The following SLC30A1 variants were observed in gnomAD, a reference collection of about 807,000 sequenced individuals.
SLC30A1 encodes solute carrier family 30 member 1.
Under a neutral mutation model 29.8 loss-of-function variants are expected in SLC30A1, and 7 were observed. The observed-to-expected ratio is 0.23, with a 90% CI of 0.13 to 0.44. The LOEUF is 0.44. SLC30A1 is among the 20% of genes least tolerant of loss of function. The pLI, the probability that SLC30A1 is intolerant of heterozygous loss-of-function variation, is 1.00. For missense variants in SLC30A1, 446 were observed against 647.9 expected, an observed-to-expected ratio of 0.69 and a Z score of 3.38; for synonymous variants, 254 against 253.5, an observed-to-expected ratio of 1.00 and a Z score of -0.02.
At position 211,571,773 on chromosome 1, in the gene SLC30A1, G is replaced by T. The variant is rs986898105; in HGVS notation, c.*3615C>A. 1.2e-4 allele frequency: 18 copies of T among 152,246 alleles called. No individual in the cohort carries two copies. The East Asian group carries it at 3.1e-3, about 26-fold the overall frequency. 9.4% of individuals were successfully genotyped at this position (152,246 alleles called of 1,614,324 possible). ...TTGCAGCACTAAAGATATTTTATCT[G>T]CATCTGTATTTAATGAGATGATAAC... is the stretch of plus-strand genomic sequence containing the variant. On this transcript the variant is annotated 3_prime_UTR_variant, in exon 2 of 2. Coordinates refer to ENST00000367001, the MANE Select transcript of SLC30A1 (RefSeq NM_021194.3).
Position 211,578,219 on chromosome 1 carries a change from A to T in SLC30A1, c.394T>A (p.Cys132Ser). 6.2e-7 allele frequency: 1 copy of T among 1,611,518 alleles called. No individual in the cohort carries two copies. The highest frequency in any genetic ancestry group is 1.7e-5 in the Admixed American group (1 of 59,760). The part of the protein sequence containing the change: ...AGLLVNVLGL[C>S]LFHHHSGFSQ... ...AAGCCGCTGTGATGGTGGAAGAGGC[A>T]GAGCCCCAGCACGTTGACCAGCAGC... is the stretch of plus-strand genomic sequence containing the variant. The change falls in exon 1 of 2, where the codon TGC becomes AGC. Residue 132 changes from cysteine (C) to serine (S), a missense_variant. Physicochemically the swap from Cys to Ser is moderately radical, Grantham distance 112 (BLOSUM62 -1). This residue lies in a region of SLC30A1 where 159 missense variants were observed against 161.1 expected (regional missense o/e 0.99). Transcript: ENST00000367001.
At position 211,577,483 on chromosome 1, in the gene SLC30A1, T is replaced by A. The variant is rs1313112504; in HGVS notation, c.622+508A>T. 6.6e-6 allele frequency among the ~76,000 whole-genome samples: 1 copy of A among 152,216 alleles called. No homozygotes were observed. Among genetic ancestry groups the A allele is most frequent in the African/African-American group, 2.4e-5 (1 of 41,456 alleles). On this transcript the variant is annotated intron_variant, in intron 1 of 1. Coordinates refer to ENST00000367001, the MANE Select transcript of SLC30A1 (RefSeq NM_021194.3). This position sits in a 1 kb window ranked among gnomAD's most constrained non-coding sequence, Gnocchi z 4.5. ...TTAACCAGGGTTTACACGCTCTGAA[T>A]GCATATTATGAAACGGAGTTCAATG...
At position 211,578,645 on chromosome 1, in the gene SLC30A1, C is replaced by G. The variant is rs201014656; in HGVS notation, c.-33G>C. The G allele has an allele frequency of 6.5e-4, 966 of 1,496,122 alleles. 4 individuals carry two copies. Among genetic ancestry groups the G allele is most frequent in the African/African-American group, 5.3e-3 (378 of 71,494 alleles). 92.7% of individuals were successfully genotyped at this position (1,496,122 alleles called of 1,614,324 possible). Reference sequence around the variant, plus strand: ...GCTGCGGGGCCCGCCGAGCCCGGCCCGGAGACTGGTGCAGCGGCGGCGTTG... The same window carrying G: ...GCTGCGGGGCCCGCCGAGCCCGGCCGGGAGACTGGTGCAGCGGCGGCGTTG... On this transcript the variant is annotated 5_prime_UTR_variant, in exon 1 of 2. Coordinates refer to ENST00000367001, the MANE Select transcript of SLC30A1 (RefSeq NM_021194.3).
At position 211,578,868 on chromosome 1, in the gene SLC30A1, C is replaced by G. The variant is rs1706754921; in HGVS notation, c.-256G>C. ...CAGGCGTCCGTCCTCAGAGCCGGCG[C>G]CGAGGCCCGGCTCAGCCTCAGCAGC... On this transcript the variant is annotated 5_prime_UTR_variant, in exon 1 of 2. Coordinates refer to ENST00000367001, the MANE Select transcript of SLC30A1 (RefSeq NM_021194.3). 1 of 294,054 alleles carries G rather than the reference C, an allele frequency of 3.4e-6. No individual in the cohort carries two copies. The highest frequency in any genetic ancestry group is 1.6e-4 in the South Asian group (1 of 6,428). The allele number at this position is 294,054 out of a possible 1,614,324, so 18.2% of individuals were successfully genotyped here.
In SLC30A1 at chr1:211,576,067, C is replaced by T; in HGVS notation, c.845G>A (p.Cys282Tyr). 1 of 1,612,648 alleles carries T rather than the reference C, an allele frequency of 6.2e-7. No individual in the cohort carries two copies. Among genetic ancestry groups the T allele is most frequent in the Non-Finnish European group, 8.5e-7 (1 of 1,179,450 alleles). ...GGGGTCAGGGAAACATGGATTCACACAAAAATCCCCTTCAGAACAACCTTT... is the reference window on the plus strand; with the variant it reads ...GGGGTCAGGGAAACATGGATTCACATAAAAATCCCCTTCAGAACAACCTTT... ...SWKGCSEGDF[C>Y]VNPCFPDPCK... The change falls in exon 2 of 2, where the codon TGT (cysteine) becomes TAT (tyrosine). Residue 282 changes from cysteine (C) to tyrosine (Y), a missense_variant. Cys to Tyr is a radical substitution (Grantham distance 194). Around this residue, in one of 5 missense-constraint regions of SLC30A1, gnomAD observed 187 missense variants for 312.7 expected, o/e 0.60. Transcript: ENST00000367001.
At position 211,577,273 on chromosome 1, in the gene SLC30A1, A is replaced by G. The variant is rs1387757177; in HGVS notation, c.622+718T>C. ...TTCAAATTTCCTTCAAGAGCACTTA[A>G]TGTTAAATATAAAAAGCATCCACTA... is the stretch of plus-strand genomic sequence containing the variant. On this transcript the variant is annotated intron_variant, in intron 1 of 1. Coordinates refer to ENST00000367001, the MANE Select transcript of SLC30A1 (RefSeq NM_021194.3). This position sits in a 1 kb window ranked among gnomAD's most constrained non-coding sequence, Gnocchi z 4.5. Among the ~76,000 whole-genome samples the G allele has an allele frequency of 6.6e-6, 1 of 152,188 alleles. No homozygotes were observed. Among genetic ancestry groups the G allele is most frequent in the East Asian group, 1.9e-4 (1 of 5,198 alleles).
chr1:211,575,755 G>A lies in SLC30A1; in HGVS notation c.1157C>T (p.Ala386Val). Residue 386 changes from alanine (A) to valine (V), a missense_variant, in exon 2 of 2, where the codon GCT becomes GTT. Physicochemically the swap from Ala to Val is moderately conservative, Grantham distance 64. Transcript: ENST00000367001. This position sits in a 1 kb window ranked among gnomAD's most constrained non-coding sequence, Gnocchi z 6.0. ...TGTTGGATCTTCACATTTTATGTGA[G>A]CAGTGGCAATGATTCTGCTTCCAGC... Reference protein sequence around the residue: ...QLAGSRIIATAHIKCEDPTSY... With the variant: ...QLAGSRIIATVHIKCEDPTSY... 6.2e-7 allele frequency: 1 copy of A among 1,614,018 alleles called. No individual in the cohort carries two copies. The highest frequency in any genetic ancestry group is 8.5e-7 in the Non-Finnish European group (1 of 1,179,926).
Position 211,575,741 on chromosome 1 carries a change from C to T in SLC30A1, c.1171G>A (p.Glu391Lys). 6.2e-7 allele frequency: 1 copy of T among 1,614,150 alleles called. No individual in the cohort carries two copies. Among genetic ancestry groups the T allele is most frequent in the Non-Finnish European group, 8.5e-7 (1 of 1,180,008 alleles). ...RIIATAHIKC[E>K]DPTSYMEVAK... The stretch of plus-strand genomic sequence containing the variant: ...ACCTCCATGTATGATGTTGGATCTT[C>T]ACATTTTATGTGAGCAGTGGCAATG... The change falls in exon 2 of 2, where the codon GAA (glutamate) becomes AAA (lysine). Residue 391 changes from glutamate (E) to lysine (K), a missense_variant. By Grantham distance (56) the Glu-to-Lys change is moderately conservative. Transcript: ENST00000367001. This position sits in a 1 kb window ranked among gnomAD's most constrained non-coding sequence, Gnocchi z 6.0.
chr1:211,575,987 C>A lies in SLC30A1; in HGVS notation c.925G>T (p.Gly309Cys). The A allele has an allele frequency of 6.2e-7, 1 of 1,613,758 alleles. No individual in the cohort carries two copies. Among genetic ancestry groups the A allele is most frequent in the Non-Finnish European group, 8.5e-7 (1 of 1,179,840 alleles). Residue 309 changes from glycine to cysteine, a missense_variant, in exon 2 of 2, where the codon GGT becomes TGT. By Grantham distance (159) the Gly-to-Cys change is radical. This residue lies in a region of SLC30A1 where 187 missense variants were observed against 312.7 expected (regional missense o/e 0.60). Coordinates refer to ENST00000367001, the MANE Select transcript of SLC30A1 (RefSeq NM_021194.3). This position sits in a 1 kb window ranked among gnomAD's most constrained non-coding sequence, Gnocchi z 6.0. Reference sequence around the variant, plus strand: ...TCTAAATATAGCACCCAGCAAGGACCAGCCTCATAAACTGATGCATGAGTA... The same window carrying A: ...TCTAAATATAGCACCCAGCAAGGACAAGCCTCATAAACTGATGCATGAGTA... The part of the protein sequence containing the change: ...NSTHASVYEA[G>C]PCWVLYLDPT...
chr1:211,574,210 GTAGA>G lies in SLC30A1; in HGVS notation c.*1174_*1177del, dbSNP rs1275678935. ...TAATGAAATAGCCACAATTTTCTGT[GTAGA>G]TATTGTGGCATCTTGCAAAATAAGC... On this transcript the variant is annotated 3_prime_UTR_variant, in exon 2 of 2. Transcript: ENST00000367001. The G allele has an allele frequency of 6.6e-6, 1 of 151,502 alleles. No homozygotes were observed. Among genetic ancestry groups the G allele is most frequent in the Non-Finnish European group, 1.5e-5 (1 of 67,732 alleles). 9.4% of individuals were successfully genotyped at this position (151,502 alleles called of 1,614,324 possible).
rs1706739617 is a variant in SLC30A1 at position 211,577,853 on chromosome 1, G to T, written c.622+138C>A. ...AGCAGCAGCGGGGCGTGTGCAGGAC[G>T]GGGAGGGAGCAGGCAGGGGCGGCGC... On this transcript the variant is annotated intron_variant, in intron 1 of 1. Coordinates refer to ENST00000367001, the MANE Select transcript of SLC30A1 (RefSeq NM_021194.3). This position sits in a 1 kb window ranked among gnomAD's most constrained non-coding sequence, Gnocchi z 4.5. 2 of 1,163,672 alleles carry T rather than the reference G, an allele frequency of 1.7e-6. No homozygotes were observed. Among genetic ancestry groups the T allele is most frequent in the African/African-American group, 1.6e-5 (1 of 63,830 alleles). 72.1% of individuals were successfully genotyped at this position (1,163,672 alleles called of 1,614,324 possible). A position where few individuals can be genotyped will look rare whatever the true frequency, so the allele number is the denominator to read the frequency against.
chr1:211,572,152 G>A lies in SLC30A1; in HGVS notation c.*3236C>T, dbSNP rs984685763. On this transcript the variant is annotated 3_prime_UTR_variant, in exon 2 of 2. Transcript: ENST00000367001. Reference sequence around the variant, plus strand: ...AGCATTACCACATAGTATCGGTAGAGCTACATCAAAATAGTGCTATTATAA... The same window carrying A: ...AGCATTACCACATAGTATCGGTAGAACTACATCAAAATAGTGCTATTATAA... 2 of 152,036 alleles carry A rather than the reference G, an allele frequency of 1.3e-5. No homozygotes were observed. The highest frequency in any genetic ancestry group is 4.8e-5 in the African/African-American group (2 of 41,424). The allele number at this position is 152,036 out of a possible 1,614,324, so 9.4% of individuals were successfully genotyped here.
rs776827610 is a variant in SLC30A1, at chr1:211,575,531, T to C, written c.1381A>G (p.Lys461Glu). The change falls in exon 2 of 2, where the codon AAG becomes GAG. Residue 461 changes from lysine (K) to glutamate (E), a missense_variant. Around this residue, in one of 5 missense-constraint regions of SLC30A1, gnomAD observed 187 missense variants for 312.7 expected, o/e 0.60. Transcript: ENST00000367001. The surrounding 1 kb of genome is among the most constrained non-coding windows in gnomAD (Gnocchi z 6.0). ...CAAGAAATGCTAACTGCTGGGGTCT[T>C]TTCTGCATCCTTTCCAGAAGGGGCT... The part of the protein sequence containing the change: ...PQAPSGKDAE[K>E]TPAVSISCLE... 6.2e-7 allele frequency: 1 copy of C among 1,614,220 alleles called. No individual in the cohort carries two copies. The highest frequency in any genetic ancestry group is 1.1e-5 in the South Asian group (1 of 91,072).
rs1267306652 is a variant in SLC30A1, at chr1:211,572,728, C to A, written c.*2660G>T. ...CAATGCAGACATCCTTCAGAAAAAA[C>A]TAAGCAATCATAAAAGCTAAAAGGT... On this transcript the variant is annotated 3_prime_UTR_variant, in exon 2 of 2. Coordinates refer to ENST00000367001, the MANE Select transcript of SLC30A1 (RefSeq NM_021194.3). 6.6e-6 allele frequency: 1 copy of A among 152,062 alleles called. No individual in the cohort carries two copies. The highest frequency in any genetic ancestry group is 1.5e-5 in the Non-Finnish European group (1 of 67,932). 9.4% of individuals were successfully genotyped at this position (152,062 alleles called of 1,614,324 possible).
rs1167626542 is a variant in SLC30A1, at chr1:211,575,841, T to G, written c.1071A>C (p.Ile357=). The change falls in exon 2 of 2, where the codon ATA becomes ATC. Residue 357 remains isoleucine (I), a synonymous_variant. Coordinates refer to ENST00000367001, the MANE Select transcript of SLC30A1 (RefSeq NM_021194.3). The surrounding 1 kb of genome is among the most constrained non-coding windows in gnomAD (Gnocchi z 6.0). The part of the protein sequence containing the change: ...VPKQIDIRNL[I]KELRNVEGVE... ...CTCCTTCAACATTTCGAAGTTCTTT[T>G]ATCAAATTTCTGATATCAATTTGTT... The G allele has an allele frequency of 3.1e-6, 5 of 1,613,858 alleles. No individual in the cohort carries two copies. The highest frequency in any genetic ancestry group is 1.1e-5 in the South Asian group (1 of 91,014).
chr1:211,578,013 G>A lies in SLC30A1; in HGVS notation c.600C>T (p.Asn200=), dbSNP rs765430178. The A allele has an allele frequency of 2.5e-6, 4 of 1,613,212 alleles. No homozygotes were observed. The East Asian group carries it at 6.7e-5, about 27-fold the overall frequency. The change falls in exon 1 of 2, where the codon AAC becomes AAT. Residue 200 remains asparagine (N), a synonymous_variant. Transcript: ENST00000367001. ...CACCTGCGGGGTCCAATTTCAGCCCGTTGGAGTTGCTGGTATTGGCCACCA... is the reference window on the plus strand; with the variant it reads ...CACCTGCGGGGTCCAATTTCAGCCCATTGGAGTTGCTGGTATTGGCCACCA... The part of the protein sequence containing the change: ...NTLVANTSNS[N]GLKLDPADPE...
rs1196333764 is a variant in SLC30A1 at position 211,575,208 on chromosome 1, C to T, written c.*180G>A. 8.4e-6 allele frequency: 5 copies of T among 592,836 alleles called. No individual in the cohort carries two copies. In the East Asian group the frequency reaches 1.4e-4, roughly 17 times the overall value. 36.7% of individuals were successfully genotyped at this position (592,836 alleles called of 1,614,324 possible). A position where few individuals can be genotyped will look rare whatever the true frequency, so the allele number is the denominator to read the frequency against. Reference sequence around the variant, plus strand: ...CATAGCTGTACTCTGTACTAATAATCACAAAATTGTAATATAGAACTCTGT... The same window carrying T: ...CATAGCTGTACTCTGTACTAATAATTACAAAATTGTAATATAGAACTCTGT... On this transcript the variant is annotated 3_prime_UTR_variant, in exon 2 of 2. Coordinates refer to ENST00000367001, the MANE Select transcript of SLC30A1 (RefSeq NM_021194.3). The surrounding 1 kb of genome is among the most constrained non-coding windows in gnomAD (Gnocchi z 6.0).
rs1047304455 is a variant in SLC30A1 at position 211,577,911 on chromosome 1, C to A, written c.622+80G>T. 6.4e-7 allele frequency: 1 copy of A among 1,568,736 alleles called. No individual in the cohort carries two copies. The highest frequency in any genetic ancestry group is 8.6e-7 in the Non-Finnish European group (1 of 1,158,650). ...GCCCGCTCGGGCAGCAGGGGGCGTG[C>A]GGGCCACCCCGCCGAAGGCCAGGCG... On this transcript the variant is annotated intron_variant, in intron 1 of 1. Transcript: ENST00000367001. The surrounding 1 kb of genome is among the most constrained non-coding windows in gnomAD (Gnocchi z 4.5).
At position 211,577,937 on chromosome 1, in the gene SLC30A1, A is replaced by G; in HGVS notation, c.622+54T>C. On this transcript the variant is annotated intron_variant, in intron 1 of 1. Transcript: ENST00000367001. This position sits in a 1 kb window ranked among gnomAD's most constrained non-coding sequence, Gnocchi z 4.5. Reference sequence around the variant, plus strand: ...GGGCCACCCCGCCGAAGGCCAGGCGAGGCTCTGGGCACCCCAAACCCAACC... The same window carrying G: ...GGGCCACCCCGCCGAAGGCCAGGCGGGGCTCTGGGCACCCCAAACCCAACC... 6.2e-7 allele frequency: 1 copy of G among 1,602,644 alleles called. No individual in the cohort carries two copies. Among genetic ancestry groups the G allele is most frequent in the Non-Finnish European group, 8.5e-7 (1 of 1,175,048 alleles).
Sources: gnomAD v4.1 joint callset for allele counts (sites outside exome capture counted in the v4.1 genomes callset) on GRCh38, gnomAD v4.1.1 for gene constraint, gnomAD v4.1.1 regional missense constraint, Gnocchi (gnomAD v3.1) non-coding constraint, MANE v1.5 for transcripts, NCBI Gene and HGNC (gene_info 2026-07-23, HGNC 2026-07-21) for gene names.